The following EIF2AK2 variants were observed in gnomAD, a reference collection of about 807,000 sequenced individuals.
EIF2AK2 encodes the protein eukaryotic translation initiation factor 2 alpha kinase 2.
EIF2AK2 carries 40 observed loss-of-function variants against 70.5 expected under a neutral mutation model. The ratio of observed to expected loss-of-function variants is 0.57; its 90% CI spans 0.44 to 0.74. EIF2AK2 has a LOEUF of 0.74. EIF2AK2 is among the 30% of genes least tolerant of loss of function. The probability of loss-of-function intolerance (pLI) is 0.00; values close to 1 mark genes in which losing one functional copy is unlikely to be tolerated. For missense variants in EIF2AK2, 555 were observed against 644.3 expected (o/e 0.86, Z 1.50); for synonymous variants, 198 against 220.9 (o/e 0.90, Z 0.92).
intron 5 of EIF2AK2, among the ~76,000 whole-genome samples, chr2:37,140,360 A>T (rs1675286927): frequency 6.6e-6 from 1 of 152,230 alleles, no homozygotes; most frequent in South Asian, 2.1e-4. Flanking sequence ...ATACTTGGAC[A>T]ATTATATAAT....
At position 37,102,495 on chromosome 2, in the gene EIF2AK2, TGTGA is replaced by T. The variant is rs1461213769; in HGVS notation, c.*4774_*4777del. On this transcript the variant is annotated 3_prime_UTR_variant, in exon 17 of 17. Coordinates refer to ENST00000233057, the MANE Select transcript of EIF2AK2 (RefSeq NM_001135651.3). ...TGAACACTCAGTGGGGACTGCATAT[TGTGA>T]GTTATGTCTCTAGTTAGTTAACAGA... 2 of 152,044 alleles carry T rather than the reference TGTGA, an allele frequency of 1.3e-5. No homozygotes were observed. Among genetic ancestry groups the T allele is most frequent in the African/African-American group, 4.8e-5 (2 of 41,282 alleles). The allele number at this position is 152,044 out of a possible 1,614,324, so 9.4% of individuals were successfully genotyped here.
In EIF2AK2 at chr2:37,102,367, C is replaced by G. The variant is rs1434675732; in HGVS notation, c.*4906G>C. 5 of 152,050 alleles carry G rather than the reference C, an allele frequency of 3.3e-5. No homozygotes were observed. The highest frequency in any genetic ancestry group is 1.2e-4 in the African/African-American group (5 of 41,398). The allele number at this position is 152,050 out of a possible 1,614,324, so 9.4% of individuals were successfully genotyped here. A position where few individuals can be genotyped will look rare whatever the true frequency, so the allele number is the denominator to read the frequency against. On this transcript the variant is annotated 3_prime_UTR_variant, in exon 17 of 17. Coordinates refer to ENST00000233057, the MANE Select transcript of EIF2AK2 (RefSeq NM_001135651.3). Reference sequence around the variant, plus strand: ...GGGTGATGGGTAGAGTTTCATTATTCTATTTTTGTGTATGTTTGAACATAA... The same window carrying G: ...GGGTGATGGGTAGAGTTTCATTATTGTATTTTTGTGTATGTTTGAACATAA...
chr2:37,114,544 T>A (rs1183119845), intron 14 of EIF2AK2, among the ~76,000 whole-genome samples, 187 bp downstream of exon 14: 1 of 152,154 alleles, frequency 6.6e-6, no homozygotes, highest in Non-Finnish European at 1.5e-5. Flanking sequence ...TATGTTTTTA[T>A]AACTCAGAAA....
rs193147067 is a variant in EIF2AK2 at position 37,115,928 on chromosome 2, G to T, written c.1249-1069C>A. On this transcript the variant is annotated intron_variant, in intron 13 of 16. Coordinates refer to ENST00000233057, the MANE Select transcript of EIF2AK2 (RefSeq NM_001135651.3). Reference sequence around the variant, plus strand: ...GTTTTGTTTTGTAAGATGGAGCCTCGCTCTGTCACCCAGGATGGAGTGTAG... The same window carrying T: ...GTTTTGTTTTGTAAGATGGAGCCTCTCTCTGTCACCCAGGATGGAGTGTAG... Among the ~76,000 whole-genome samples the T allele has an allele frequency of 2.9e-3, 442 of 151,730 alleles. 5 individuals carry two copies. Among genetic ancestry groups the T allele is most frequent in the African/African-American group, 0.01 (425 of 41,348 alleles).
intron 1 of EIF2AK2, among the ~76,000 whole-genome samples, chr2:37,153,850 T>C (rs1028337608): frequency 1.3e-5 from 2 of 152,220 alleles, no homozygotes; most frequent in African/African-American, 2.4e-5. Flanking sequence ...ATAAGTGGAA[T>C]TGAATCACAT....
chr2:37,131,871 G>A (rs895342316), intron 10 of EIF2AK2, among the ~76,000 whole-genome samples: 1 of 152,044 alleles, frequency 6.6e-6, no homozygotes, highest in African/African-American at 2.4e-5. Flanking sequence ...CCTAATGAAA[G>A]CATTAACCCT....
rs538763495 is a variant in EIF2AK2, at chr2:37,138,659, A to G, written c.517-74T>C. The G allele has an allele frequency of 8.0e-6, 10 of 1,253,380 alleles. No homozygotes were observed. The African/African-American group carries it at 1.4e-4, about 17-fold the overall frequency. 77.6% of individuals were successfully genotyped at this position (1,253,380 alleles called of 1,614,324 possible). ...CTCTACAGAGGCTCAGTTTCTATGT[A>G]CTATCACATTTATTTCAACACATTT... On this transcript the variant is annotated intron_variant, in intron 6 of 16. Coordinates refer to ENST00000233057, the MANE Select transcript of EIF2AK2 (RefSeq NM_001135651.3).
chr2:37,107,868 G>T (rs905621130), intron 15 of EIF2AK2, among the ~76,000 whole-genome samples: 21 of 152,162 alleles, frequency 1.4e-4, no homozygotes, highest in African/African-American at 5.1e-4. Flanking sequence ...ATATCCAGCT[G>T]GGTGCAGTGG....
Position 37,104,376 on chromosome 2 carries a change from G to A in EIF2AK2, c.*2897C>T, listed in dbSNP as rs1262818458. ...ACTCTGTCACCCAGGCTGGAATGCA[G>A]TAACATGATCATGGCTCACTGCGGC... is the stretch of plus-strand genomic sequence containing the variant. On this transcript the variant is annotated 3_prime_UTR_variant, in exon 17 of 17. Coordinates refer to ENST00000233057, the MANE Select transcript of EIF2AK2 (RefSeq NM_001135651.3). The A allele has an allele frequency of 6.6e-6, 1 of 151,994 alleles. No individual in the cohort carries two copies. Among genetic ancestry groups the A allele is most frequent in the Non-Finnish European group, 1.5e-5 (1 of 68,024 alleles). 9.4% of individuals were successfully genotyped at this position (151,994 alleles called of 1,614,324 possible). A position where few individuals can be genotyped will look rare whatever the true frequency, so the allele number is the denominator to read the frequency against.
intron 11 of EIF2AK2, 134 bp downstream of exon 11, chr2:37,126,155 G>C (rs1465536749): frequency 9.0e-6 from 11 of 1,218,260 alleles, no homozygotes; most frequent in Non-Finnish European, 1.2e-5. Flanking sequence ...AACTCCTCTT[G>C]GTAGAATGAA....
At chr2:37,125,555 C>CA (rs1430410450) in intron 11 of EIF2AK2, among the ~76,000 whole-genome samples, 1 of 152,194 alleles carries the variant, frequency 6.6e-6, no homozygotes, top group Admixed American at 6.5e-5. Flanking sequence ...GTAAGAAGCC[C>CA]AATCCCCATA....
intron 13 of EIF2AK2, among the ~76,000 whole-genome samples, chr2:37,115,687 G>A (rs900624224): frequency 2.0e-5 from 3 of 151,998 alleles, no homozygotes; most frequent in Admixed American, 6.6e-5. Flanking sequence ...TGAGATTCTC[G>A]GAATGGGTCC....
chr2:37,128,943 C>A (rs1246364857), intron 10 of EIF2AK2, among the ~76,000 whole-genome samples: 2 of 152,208 alleles, frequency 1.3e-5, no homozygotes, highest in Non-Finnish European at 2.9e-5. Context: ...CAGTAAAACC[C>A]TGCCCTTTTC....
chr2:37,138,921 G>A (rs888885666), intron 6 of EIF2AK2, among the ~76,000 whole-genome samples: 21 of 151,386 alleles, frequency 1.4e-4, no homozygotes, highest in African/African-American at 4.4e-4. Flanking sequence ...TCAGCCTCCT[G>A]AGTAGCTAGG....
intron 10 of EIF2AK2, among the ~76,000 whole-genome samples, chr2:37,134,276 A>G (rs1394476169): frequency 2.0e-5 from 3 of 152,136 alleles, no homozygotes; most frequent in Non-Finnish European, 4.4e-5. Context: ...AGGCCCTCCC[A>G]TTGAAGGGCC....
rs759880559 is a variant in EIF2AK2 at position 37,147,826 on chromosome 2, C to A, written c.-16-4G>T. ...AGCCATTTCTTCTTCCCGTATCCTA[C>A]AATGGAAGAGACATTTGAATGAGTG... On this transcript the variant is annotated splice_region_variant and splice_polypyrimidine_tract_variant and intron_variant, in intron 2 of 16. Transcript: ENST00000233057. The A allele has an allele frequency of 1.0e-5, 16 of 1,560,704 alleles. No individual in the cohort carries two copies. In the Admixed American group the frequency reaches 2.7e-4, roughly 26 times the overall value.
At chr2:37,143,188 A>T (rs1054517269) in intron 4 of EIF2AK2, among the ~76,000 whole-genome samples, 1 of 147,486 alleles carries the variant, frequency 6.8e-6, no homozygotes, top group Non-Finnish European at 1.5e-5. Context: ...GTGCCACTGC[A>T]CTCCAGCCTG....
At position 37,117,310 on chromosome 2, in the gene EIF2AK2, G is replaced by A. The variant is rs555392404; in HGVS notation, c.1249-2451C>T. Among the ~76,000 whole-genome samples, 107 of 152,120 alleles carry A rather than the reference G, an allele frequency of 7.0e-4. No individual in the cohort carries two copies. In the Middle Eastern group the frequency reaches 0.014, roughly 19 times the overall value. ...CCCAACACTTTGGGAAGCCAAGGTC[G>A]GCAGATCACTTGAGCTCAGGAGTTC... On this transcript the variant is annotated intron_variant, in intron 13 of 16. Coordinates refer to ENST00000233057, the MANE Select transcript of EIF2AK2 (RefSeq NM_001135651.3).
intron 12 of EIF2AK2, among the ~76,000 whole-genome samples, chr2:37,121,585 C>T (rs1573009475): frequency 7.2e-6 from 1 of 139,696 alleles, no homozygotes. Context: ...GAAGTGCCAA[C>T]AAATTACTAA....
Sources: allele counts gnomAD v4.1 joint callset (sites outside exome capture counted in the v4.1 genomes callset), GRCh38; gene constraint gnomAD v4.1.1; transcripts MANE v1.5; gene names NCBI Gene and HGNC (gene_info 2026-07-23, HGNC 2026-07-21).